DLGAP1: variants seen among roughly 807,000 people sequenced by gnomAD.
DLGAP1 encodes disks large-associated protein 1.
In DLGAP1, 11 loss-of-function variants were observed where a neutral mutation model predicts 90.8. The observed-to-expected ratio is 0.12, with a 90% CI of 0.08 to 0.20. DLGAP1 has a LOEUF of 0.20. Among genes scored for constraint, DLGAP1 ranks in the 10% least tolerant of loss-of-function variants. The pLI is 1.00. For missense variants in DLGAP1, 1,050 were observed against 1,333.8 expected, an observed-to-expected ratio of 0.79 and a Z score of 3.31; for synonymous variants, 558 against 540.7, an observed-to-expected ratio of 1.03 and a Z score of -0.44.
In DLGAP1 at chr18:3,600,921, GAT is replaced by G. The variant is rs1252219395; in HGVS notation, c.1592-18675_1592-18674del. ...ATATATAGATATATAGATAGATATA[GAT>G]ATATATAGATATATAGATAGATATA... On this transcript the variant is annotated intron_variant, in intron 7 of 12. Coordinates refer to ENST00000315677, the MANE Select transcript of DLGAP1 (RefSeq NM_004746.4). 1.5e-4 allele frequency among the ~76,000 whole-genome samples: 14 copies of G among 95,486 alleles called. 1 individual carries two copies. The highest frequency in any genetic ancestry group is 3.4e-4 in the South Asian group (1 of 2,966). 62.6% of individuals were successfully genotyped at this position (95,486 alleles called of 152,430 possible).
At chr18:3,826,097 T>C (rs998320129) in intron 4 of DLGAP1, among the ~76,000 whole-genome samples, 7 of 152,172 alleles carry the variant, frequency 4.6e-5, no homozygotes, top group Admixed American at 4.6e-4. Context: ...GACATAAAGA[T>C]GGCAACAGTA....
intron 1 of DLGAP1, among the ~76,000 whole-genome samples, chr18:4,224,099 CTGT>C (rs1392014612): frequency 6.6e-6 from 1 of 152,176 alleles, no homozygotes; most frequent in Non-Finnish European, 1.5e-5. Context: ...AGAAGGGAAC[CTGT>C]TGCCTTGAGT....
At chr18:4,252,143 G>C (rs2078792271) in intron 1 of DLGAP1, among the ~76,000 whole-genome samples, 1 of 152,206 alleles carries the variant, frequency 6.6e-6, no homozygotes, top group South Asian at 2.1e-4. Flanking sequence ...GGTGGCTTGG[G>C]TCACAGGAGA....
chr18:4,088,991 A>C (rs114093187), intron 2 of DLGAP1, among the ~76,000 whole-genome samples: 3,832 of 152,328 alleles, frequency 0.025, 172 homozygotes, highest in African/African-American at 0.087. Context: ...GTATTTAAAT[A>C]GGAAGAGAAG....
chr18:4,320,629 T>C (rs2143588893), intron 1 of DLGAP1, among the ~76,000 whole-genome samples: 1 of 152,280 alleles, frequency 6.6e-6, no homozygotes, highest in East Asian at 1.9e-4. Context: ...GCTCTGATTT[T>C]AATTCACTCT....
intron 4 of DLGAP1, among the ~76,000 whole-genome samples, chr18:3,814,838 C>A (rs1196450735): frequency 3.3e-5 from 5 of 151,936 alleles, no homozygotes; most frequent in Non-Finnish European, 7.4e-5. Flanking sequence ...TAAATAAGAC[C>A]AAGTATTTTC....
At chr18:4,161,424 C>A (rs1226190838) in intron 1 of DLGAP1, among the ~76,000 whole-genome samples, 4 of 152,158 alleles carry the variant, frequency 2.6e-5, no homozygotes, top group Non-Finnish European at 1.5e-5. Context: ...GACATGATCT[C>A]ATTTCTTTTC....
At chr18:3,616,845 T>C (rs1220700199) in intron 7 of DLGAP1, among the ~76,000 whole-genome samples, 1 of 152,118 alleles carries the variant, frequency 6.6e-6, no homozygotes, top group African/African-American at 2.4e-5. Context: ...GATTTGCCTA[T>C]AATTAAGACA....
intron 7 of DLGAP1, among the ~76,000 whole-genome samples, chr18:3,634,802 A>G (rs1025516567): frequency 1.3e-5 from 2 of 152,342 alleles, no homozygotes; most frequent in Admixed American, 6.5e-5. Context: ...GTACAGATGA[A>G]TTTATTCGAA....
chr18:3,932,721 C>T (rs1490997638), intron 3 of DLGAP1, among the ~76,000 whole-genome samples: 1 of 152,216 alleles, frequency 6.6e-6, no homozygotes, highest in South Asian at 2.1e-4. Context: ...GCCCTAAATA[C>T]TCATTCCATG....
chr18:3,603,340 GGAGA>G (rs1307542266), intron 7 of DLGAP1: 2 of 152,060 alleles, frequency 1.3e-5, no homozygotes, highest in Admixed American at 1.3e-4. Context: ...AAAGGCGGAG[GGAGA>G]GAGAAAGGAA....
At chr18:4,067,469 A>G (rs2075386631) in intron 2 of DLGAP1, among the ~76,000 whole-genome samples, 2 of 152,186 alleles carry the variant, frequency 1.3e-5, no homozygotes, top group South Asian at 2.1e-4. Context: ...TCCCTTTGGA[A>G]TTCAGGCACA....
At chr18:3,909,868 T>C (rs60502854) in intron 3 of DLGAP1, among the ~76,000 whole-genome samples, 4,175 of 152,184 alleles carry the variant, frequency 0.027, 191 homozygotes, top group African/African-American at 0.095. Context: ...GCCTAGATAA[T>C]ATGTTTAAGC....
chr18:3,646,121 T>A (rs1277859928), intron 7 of DLGAP1, among the ~76,000 whole-genome samples: 1 of 152,110 alleles, frequency 6.6e-6, no homozygotes, highest in Non-Finnish European at 1.5e-5. Flanking sequence ...GGAGGCCAGG[T>A]GTGGTGGCTC....
At chr18:4,186,626 T>C (rs1450445688) in intron 1 of DLGAP1, among the ~76,000 whole-genome samples, 3 of 152,164 alleles carry the variant, frequency 2.0e-5, no homozygotes, top group Admixed American at 6.5e-5. Context: ...TTCTATTCCA[T>C]TGGTCTATGT....
At chr18:4,430,255 T>C (rs1031167708) in intron 1 of DLGAP1, among the ~76,000 whole-genome samples, 1 of 152,210 alleles carries the variant, frequency 6.6e-6, no homozygotes, top group South Asian at 2.1e-4. Context: ...AAGTTTAATA[T>C]ATTTTTTAAA....
chr18:3,728,791 G>C (rs2062293290), intron 7 of DLGAP1, among the ~76,000 whole-genome samples: 1 of 152,108 alleles, frequency 6.6e-6, no homozygotes, highest in Non-Finnish European at 1.5e-5. Flanking sequence ...GCCCTAAAAG[G>C]CCGAGCCTAA....
chr18:4,049,117 G>A (rs2075095820), intron 2 of DLGAP1, among the ~76,000 whole-genome samples: 1 of 151,560 alleles, frequency 6.6e-6, no homozygotes, highest in Non-Finnish European at 1.5e-5. Context: ...GTTCCAGCTA[G>A]TCGGGAGGCT....
chr18:4,104,683 A>G (rs539193072), intron 2 of DLGAP1, among the ~76,000 whole-genome samples: 1 of 152,136 alleles, frequency 6.6e-6, no homozygotes, highest in African/African-American at 2.4e-5. Flanking sequence ...TTGAATGCAG[A>G]TTACGTATAG....
Sources: gnomAD v4.1 joint callset for allele counts (sites outside exome capture counted in the v4.1 genomes callset) on GRCh38, gnomAD v4.1.1 for gene constraint, MANE v1.5 for transcripts, NCBI Gene and HGNC (gene_info 2026-07-23, HGNC 2026-07-21) for gene names.